The following MALT1 variants were observed in gnomAD, a reference collection of about 807,000 sequenced individuals.
MALT1 encodes mucosa-associated lymphoid tissue lymphoma translocation protein 1.
MALT1 carries 36 observed loss-of-function variants against 85.5 expected under a neutral mutation model. The ratio of observed to expected loss-of-function variants is 0.42; its 90% CI spans 0.32 to 0.56. The LOEUF is 0.56. MALT1 is among the 20% of genes least tolerant of loss of function. MALT1 has a pLI of 0.10. For missense variants in MALT1, 716 were observed against 981.6 expected, an observed-to-expected ratio of 0.73 and a Z score of 3.62; for synonymous variants, 359 against 361.3, an observed-to-expected ratio of 0.99 and a Z score of 0.07.
intron 14 of MALT1, among the ~76,000 whole-genome samples, chr18:58,742,722 AAG>A (rs1207728479): frequency 6.6e-6 from 1 of 152,166 alleles, no homozygotes; most frequent in African/African-American, 2.4e-5. Flanking sequence ...CGAAAAGAAA[AAG>A]AAATAGTACC....
At chr18:58,723,330 C>A in intron 10 of MALT1, 79 bp downstream of exon 10, 1 of 1,021,788 alleles carries the variant, frequency 9.8e-7, no homozygotes, top group Non-Finnish European at 1.5e-6. Context: ...AATTGAAAAT[C>A]AGATAAAGAT....
At chr18:58,688,299 TACACAC>T (rs34923643) in intron 2 of MALT1, among the ~76,000 whole-genome samples, 9 of 139,562 alleles carry the variant, frequency 6.4e-5, no homozygotes, top group African/African-American at 1.6e-4. Flanking sequence ...ATATATATGT[TACACAC>T]ACACACACAC....
At chr18:58,746,087 G>T (rs1490154651) in intron 16 of MALT1, among the ~76,000 whole-genome samples, 2 of 152,092 alleles carry the variant, frequency 1.3e-5, no homozygotes, top group East Asian at 3.9e-4. Context: ...GCATGAACAT[G>T]ACCTACTATA....
intron 3 of MALT1, among the ~76,000 whole-genome samples, chr18:58,698,075 G>GTTTTGT (rs2054619212): frequency 1.1e-5 from 1 of 92,834 alleles, no homozygotes; most frequent in Non-Finnish European, 2.6e-5. Flanking sequence ...TTGTTTTTTT[G>GTTTTGT]TTTTTTTTTT....
intron 3 of MALT1, among the ~76,000 whole-genome samples, chr18:58,699,349 A>G (rs4940742): frequency 0.12 from 18,033 of 152,198 alleles, 1,633 homozygotes; most frequent in African/African-American, 0.26. Flanking sequence ...TTAGGACGAT[A>G]TAGTAGGATT....
At position 58,709,535 on chromosome 18, in the gene MALT1, T is replaced by C; in HGVS notation, c.807T>C (p.His269=). The C allele has an allele frequency of 6.2e-7, 1 of 1,607,490 alleles. No homozygotes were observed. The highest frequency in any genetic ancestry group is 8.5e-7 in the Non-Finnish European group (1 of 1,177,868). ...TCAAAAATGAATTACCATTAACACA[T>C]GAGACCAAAAAGCTATACATGGTAG... ...QWFKNELPLT[H]ETKKLYMVPY... The change falls in exon 5 of 17, where the codon CAT becomes CAC. Residue 269 remains histidine (H), a synonymous_variant. Coordinates refer to ENST00000649217, the MANE Select transcript of MALT1 (RefSeq NM_006785.4).
rs1602342437 is a variant in MALT1 at position 58,742,010 on chromosome 18, T to G, written c.1749T>G (p.Ala583=). Residue 583 remains alanine (A), a synonymous_variant, in exon 14 of 17, where the codon GCT becomes GCG. Transcript: ENST00000649217. ...SLVRNLQWAK[A]HELPESMCLK... is the part of the protein sequence containing the mutation. ...TGCGGAATCTACAGTGGGCCAAGGCTCATGGTACGGTAAAGCCCATTTTTT... is the reference window on the plus strand; with the variant it reads ...TGCGGAATCTACAGTGGGCCAAGGCGCATGGTACGGTAAAGCCCATTTTTT... 6.6e-7 allele frequency: 1 copy of G among 1,515,408 alleles called. No homozygotes were observed. Among genetic ancestry groups the G allele is most frequent in the Admixed American group, 1.7e-5 (1 of 58,664 alleles). The allele number at this position is 1,515,408 out of a possible 1,614,324, so 93.9% of individuals were successfully genotyped here. A position where few individuals can be genotyped will look rare whatever the true frequency, so the allele number is the denominator to read the frequency against.
In MALT1 at chr18:58,710,008, C is replaced by G; in HGVS notation, c.861C>G (p.Thr287=). The change falls in exon 6 of 17, where the codon ACC becomes ACG. Residue 287 remains threonine (T), a synonymous_variant. Coordinates refer to ENST00000649217, the MANE Select transcript of MALT1 (RefSeq NM_006785.4). ...ATGTGGATTTGGAACACCAAGGAAC[C>G]TACTGGTGTCATGTATATAATGATC... The part of the protein sequence containing the change: ...VPYVDLEHQG[T]YWCHVYNDRD... 2 of 1,611,530 alleles carry G rather than the reference C, an allele frequency of 1.2e-6. No individual in the cohort carries two copies. Among genetic ancestry groups the G allele is most frequent in the Non-Finnish European group, 1.7e-6 (2 of 1,178,450 alleles).
chr18:58,718,886 C>T (rs951686318), intron 9 of MALT1, among the ~76,000 whole-genome samples: 7 of 151,706 alleles, frequency 4.6e-5, no homozygotes, highest in Non-Finnish European at 7.4e-5. Flanking sequence ...TGGGAGCTCT[C>T]AAGGGGATAA....
chr18:58,672,244 T>G, intron 1 of MALT1: 3 of 164,546 alleles, frequency 1.8e-5, no homozygotes, highest in Non-Finnish European at 2.6e-5. Flanking sequence ...ATGTGGACAC[T>G]GCTCTGGGAG....
intron 10 of MALT1, 113 bp downstream of exon 10, chr18:58,723,364 AAG>A (rs1458340566): frequency 7.3e-6 from 5 of 682,176 alleles, no homozygotes; most frequent in Non-Finnish European, 1.2e-5. Context: ...TGTTGAATGG[AAG>A]AGTTTTATTT....
rs758619400 is a variant in MALT1 at position 58,733,575 on chromosome 18, G to T, written c.1400+1G>T. Reference sequence around the variant, plus strand: ...TCTTATTGGATATGTGTAGGAAAAGGTAAGTTTTCTAATCTTTATTAAAGA... The same window carrying T: ...TCTTATTGGATATGTGTAGGAAAAGTTAAGTTTTCTAATCTTTATTAAAGA... On this transcript the variant is annotated splice_donor_variant, in intron 11 of 16. Transcript: ENST00000649217. LOFTEE classifies it high-confidence loss of function. The T allele has an allele frequency of 6.3e-7, 1 of 1,580,056 alleles. No individual in the cohort carries two copies. The highest frequency in any genetic ancestry group is 8.6e-7 in the Non-Finnish European group (1 of 1,162,400).
At position 58,753,948 on chromosome 18, in the gene MALT1, G is replaced by A. The variant is rs548090219; in HGVS notation, c.*6106G>A. 1 of 152,206 alleles carries A rather than the reference G, an allele frequency of 6.6e-6. No individual in the cohort carries two copies. Among genetic ancestry groups the A allele is most frequent in the South Asian group, 2.1e-4 (1 of 4,810 alleles). The allele number at this position is 152,206 out of a possible 1,614,324, so 9.4% of individuals were successfully genotyped here. ...CATGCTTGAGTTTAGTTGATAAATA[G>A]CATTTTAGATACTAAAAATGATTGG... On this transcript the variant is annotated 3_prime_UTR_variant, in exon 17 of 17. Coordinates refer to ENST00000649217, the MANE Select transcript of MALT1 (RefSeq NM_006785.4).
At chr18:58,732,757 AGCTGC>A (rs879790100) in intron 10 of MALT1, among the ~76,000 whole-genome samples, 18,955 of 151,208 alleles carry the variant, frequency 0.13, 2,282 homozygotes, top group African/African-American at 0.31. Flanking sequence ...GAGAAATCCT[AGCTGC>A]ATTCTTTTTT....
In MALT1 at chr18:58,753,610, G is replaced by C. The variant is rs562861356; in HGVS notation, c.*5768G>C. On this transcript the variant is annotated 3_prime_UTR_variant, in exon 17 of 17. Coordinates refer to ENST00000649217, the MANE Select transcript of MALT1 (RefSeq NM_006785.4). ...CCAGTTTGTGTTATGTATCTATCCCGCAAAACAGCTCTAAAGGTGATTTAC... is the reference window on the plus strand; with the variant it reads ...CCAGTTTGTGTTATGTATCTATCCCCCAAAACAGCTCTAAAGGTGATTTAC... The C allele has an allele frequency of 6.6e-6, 1 of 152,124 alleles. No individual in the cohort carries two copies. The highest frequency in any genetic ancestry group is 2.4e-5 in the African/African-American group (1 of 41,426). 9.4% of individuals were successfully genotyped at this position (152,124 alleles called of 1,614,324 possible). A position where few individuals can be genotyped will look rare whatever the true frequency, so the allele number is the denominator to read the frequency against.
chr18:58,746,347 T>G (rs189513970), intron 16 of MALT1, among the ~76,000 whole-genome samples: 2 of 152,366 alleles, frequency 1.3e-5, no homozygotes, highest in Admixed American at 1.3e-4. Context: ...TATGTTCAGA[T>G]TTTCAAGTAA....
In MALT1 at chr18:58,753,681, CTTGT is replaced by C. The variant is rs1371001884; in HGVS notation, c.*5842_*5845del. The C allele has an allele frequency of 1.3e-5, 2 of 152,174 alleles. No individual in the cohort carries two copies. Among genetic ancestry groups the C allele is most frequent in the Non-Finnish European group, 2.9e-5 (2 of 68,012 alleles). 9.4% of individuals were successfully genotyped at this position (152,174 alleles called of 1,614,324 possible). A position where few individuals can be genotyped will look rare whatever the true frequency, so the allele number is the denominator to read the frequency against. On this transcript the variant is annotated 3_prime_UTR_variant, in exon 17 of 17. Coordinates refer to ENST00000649217, the MANE Select transcript of MALT1 (RefSeq NM_006785.4). Reference sequence around the variant, plus strand: ...TCTCTGGTGGGATAATTTTTCTTTGCTTGTTTACCTGTGTCTTGCAGATTTTACA... The same window carrying C: ...TCTCTGGTGGGATAATTTTTCTTTGCTTACCTGTGTCTTGCAGATTTTACA...
rs1360342168 is a variant in MALT1 at position 58,752,532 on chromosome 18, A to G, written c.*4690A>G. 26 of 150,786 alleles carry G rather than the reference A, an allele frequency of 1.7e-4. No homozygotes were observed. The Admixed American group carries it at 1.7e-3, about 10-fold the overall frequency. 9.3% of individuals were successfully genotyped at this position (150,786 alleles called of 1,614,324 possible). A position where few individuals can be genotyped will look rare whatever the true frequency, so the allele number is the denominator to read the frequency against. On this transcript the variant is annotated 3_prime_UTR_variant, in exon 17 of 17. Transcript: ENST00000649217. ...GGTGGCTCACACCTGTAATCCCAGC[A>G]CTTCGGGAGACTGCGGTAAGCAGAT...
In MALT1 at chr18:58,745,771, A is replaced by C; in HGVS notation, c.2017A>C (p.Ser673Arg). The change falls in exon 16 of 17, where the codon AGT (serine) becomes CGT (arginine). Residue 673 changes from serine to arginine, a missense_variant. By Grantham distance (110) the Ser-to-Arg change is moderately radical. This residue lies in a region of MALT1 where 260 missense variants were observed against 323.7 expected (regional missense o/e 0.80). Transcript: ENST00000649217. ...CAAGCATTGCCTCTATACCAGACTCAGTTCACTGCAAAAATTAAAGGTTAC... is the reference window on the plus strand; with the variant it reads ...CAAGCATTGCCTCTATACCAGACTCCGTTCACTGCAAAAATTAAAGGTTAC... Reference protein sequence around the residue: ...LPKHCLYTRLSSLQKLKEHLV... With the variant: ...LPKHCLYTRLRSLQKLKEHLV... The C allele has an allele frequency of 2.5e-6, 4 of 1,612,114 alleles. No individual in the cohort carries two copies. The highest frequency in any genetic ancestry group is 3.4e-6 in the Non-Finnish European group (4 of 1,179,458).
Sources: allele counts gnomAD v4.1 joint callset (sites outside exome capture counted in the v4.1 genomes callset), GRCh38; gene constraint gnomAD v4.1.1; regional missense constraint gnomAD v4.1.1; transcripts MANE v1.5; gene names NCBI Gene and HGNC (gene_info 2026-07-23, HGNC 2026-07-21).